The following DNAH9 variants were observed in gnomAD, a reference collection of about 807,000 sequenced individuals.
The protein encoded by DNAH9 is DNAH9 variant protein.
A neutral mutation model predicts 471.6 loss-of-function variants in DNAH9; 345 were observed. The observed-to-expected ratio is 0.73, with a 90% confidence interval of 0.67 to 0.80. DNAH9 has a LOEUF of 0.80. Among genes scored for constraint, DNAH9 ranks in the 30% least tolerant of loss-of-function variants. The pLI is 0.00. For missense variants in DNAH9, 5,407 were observed against 5,609.2 expected (o/e 0.96, Z 1.15); for synonymous variants, 2,093 against 2,123.6 (o/e 0.99, Z 0.40).
intron 49 of DNAH9, among the ~76,000 whole-genome samples, chr17:11,847,638 A>T (rs753541361): frequency 1.3e-5 from 2 of 152,198 alleles, no homozygotes; most frequent in Non-Finnish European, 2.9e-5. Context: ...CACATATGTG[A>T]AAAGAATAAA....
At chr17:11,830,185 C>G (rs1970639254) in intron 48 of DNAH9, among the ~76,000 whole-genome samples, 1 of 152,214 alleles carries the variant, frequency 6.6e-6, no homozygotes, top group African/African-American at 2.4e-5. Context: ...AGTCTCACAG[C>G]TGGTGTCATT....
Position 11,669,543 on chromosome 17 carries a change from C to T in DNAH9, c.3102C>T (p.Ile1034=). 2 of 1,614,162 alleles carry T rather than the reference C, an allele frequency of 1.2e-6. No individual in the cohort carries two copies. Among genetic ancestry groups the T allele is most frequent in the African/African-American group, 1.3e-5 (1 of 75,032 alleles). The part of the protein sequence containing the change: ...VLGQFLLYGH[I]LTPEEIEDHV... The stretch of plus-strand genomic sequence containing the variant: ...GTCAGTTTCTGCTGTACGGGCACAT[C>T]CTCACTCCGGAAGAAATTGAAGACC... Residue 1034 remains isoleucine, a synonymous_variant, in exon 17 of 69, where the codon ATC becomes ATT. Coordinates refer to ENST00000262442, the MANE Select transcript of DNAH9 (RefSeq NM_001372.4).
At chr17:11,707,151 T>C (rs2074716931) in intron 26 of DNAH9, among the ~76,000 whole-genome samples, 1 of 152,172 alleles carries the variant, frequency 6.6e-6, no homozygotes, top group Non-Finnish European at 1.5e-5. Context: ...TTCATACCCT[T>C]TCCTTGTAAT....
At chr17:11,798,215 G>A (rs983389681) in intron 43 of DNAH9, among the ~76,000 whole-genome samples, 1 of 152,002 alleles carries the variant, frequency 6.6e-6, no homozygotes, top group African/African-American at 2.4e-5. Flanking sequence ...GGCAGATCAC[G>A]AGGTCAGGAG....
In DNAH9 at chr17:11,745,061, G is replaced by C. The variant is rs973812218; in HGVS notation, c.6376G>C (p.Ala2126Pro). The change falls in exon 31 of 69, where the codon GCT (alanine) becomes CCT (proline). Residue 2126 changes from alanine (A) to proline (P), a missense_variant. Physicochemically the swap from Ala to Pro is conservative, Grantham distance 27. Around this residue, in one of 3 missense-constraint regions of DNAH9, gnomAD observed 4,636 missense variants for 4,900.3 expected, o/e 0.95. Coordinates refer to ENST00000262442, the MANE Select transcript of DNAH9 (RefSeq NM_001372.4). ...GGCGATAGTGGATCTGAAGCTCCAG[G>C]CTGAGGACAACTTTGTGCTCAAGGT... ...RKAIVDLKLQ[A>P]EDNFVLKVVQ... 1 of 1,613,538 alleles carries C rather than the reference G, an allele frequency of 6.2e-7. No homozygotes were observed. The highest frequency in any genetic ancestry group is 8.5e-7 in the Non-Finnish European group (1 of 1,179,588).
chr17:11,746,345 C>A (rs533197887), intron 31 of DNAH9, among the ~76,000 whole-genome samples: 1 of 152,254 alleles, frequency 6.6e-6, no homozygotes, highest in African/African-American at 2.4e-5. Context: ...GCTGCAGACA[C>A]CCTTTGTCTT....
intron 9 of DNAH9, 30 bp from the exon 10 acceptor site, chr17:11,640,240 C>T (rs1036754875): frequency 1.4e-6 from 2 of 1,404,230 alleles, no homozygotes; most frequent in South Asian, 1.2e-5. Context: ...GCTCTAGACT[C>T]ATTTCGGTCT....
Position 11,901,312 on chromosome 17 carries a change from G to C in DNAH9, c.11407-1407G>C, listed in dbSNP as rs577189521. Among the ~76,000 whole-genome samples the C allele has an allele frequency of 3.9e-5, 6 of 152,316 alleles. No homozygotes were observed. In the East Asian group the frequency reaches 1.2e-3, roughly 29 times the overall value. ...GCTCTTTATTAAAGATGTCAACTCT[G>C]CAAGTATCTCTAAGTCAGGGGTGTT... On this transcript the variant is annotated intron_variant, in intron 59 of 68. Coordinates refer to ENST00000262442, the MANE Select transcript of DNAH9 (RefSeq NM_001372.4).
At chr17:11,874,897 T>G in intron 52 of DNAH9, 52 bp from the exon 53 acceptor site, 35 of 1,357,050 alleles carry the variant, frequency 2.6e-5, no homozygotes, top group Non-Finnish European at 3.5e-5. Context: ...TCATCCCAGC[T>G]GAGAATGTCT....
At chr17:11,599,157 C>T (rs990836688) in intron 1 of DNAH9, among the ~76,000 whole-genome samples, 15 of 151,982 alleles carry the variant, frequency 9.9e-5, no homozygotes, top group Non-Finnish European at 1.9e-4. Flanking sequence ...AGGGAGGGAT[C>T]TGGGTGGAGG....
At chr17:11,785,226 G>A (rs1210271675) in intron 41 of DNAH9, among the ~76,000 whole-genome samples, 1 of 152,038 alleles carries the variant, frequency 6.6e-6, no homozygotes, top group African/African-American at 2.4e-5. Flanking sequence ...ATGTAGCCAA[G>A]TCTACAACTC....
chr17:11,852,578 G>C (rs1409473115), intron 49 of DNAH9, among the ~76,000 whole-genome samples: 1 of 151,858 alleles, frequency 6.6e-6, no homozygotes, highest in Non-Finnish European at 1.5e-5. Flanking sequence ...AGCAGCCCCT[G>C]GTTCTTCAGA....
intron 49 of DNAH9, among the ~76,000 whole-genome samples, chr17:11,836,368 G>A (rs1172836617): frequency 6.6e-6 from 1 of 152,200 alleles, no homozygotes; most frequent in Non-Finnish European, 1.5e-5. Context: ...AATGTGAGAT[G>A]TGAGTGCATT....
intron 6 of DNAH9, among the ~76,000 whole-genome samples, chr17:11,620,952 A>G (rs1219904247): frequency 2.0e-5 from 3 of 152,140 alleles, no homozygotes; most frequent in Admixed American, 2.0e-4. Context: ...ACATGATACT[A>G]TTTCTTTGGA....
At position 11,705,141 on chromosome 17, in the gene DNAH9, C is replaced by A. The variant is rs765859837; in HGVS notation, c.5508C>A (p.Tyr1836Ter). The A allele has an allele frequency of 6.2e-7, 1 of 1,614,116 alleles. No homozygotes were observed. ...CDAQFLYSYE[Y>*]LGNTPRLVIT... ...CCCAGTTTTTGTATTCCTATGAGTA[C>A]CTGGGAAACACACCTCGCTTGGTGA... Residue 1836 changes from tyrosine to a stop codon, truncating the protein, a stop_gained, in exon 26 of 69, where the codon TAC (tyrosine) becomes TAA (stop). Transcript: ENST00000262442. LOFTEE classifies it high-confidence loss of function.
intron 24 of DNAH9, 85 bp from the exon 25 acceptor site, chr17:11,704,117 AC>A: frequency 2.7e-6 from 4 of 1,479,606 alleles, no homozygotes; most frequent in Non-Finnish European, 2.8e-6. Context: ...CCACACAATT[AC>A]ATCCTGAGCC....
Position 11,690,452 on chromosome 17 carries a change from A to T in DNAH9, c.4614+16A>T. The stretch of plus-strand genomic sequence containing the variant: ...GCTACCCCAGGTACCTGCTAAGGAA[A>T]TCTAGAATCTCTCTATTCTCTGATC... On this transcript the variant is annotated intron_variant, in intron 20 of 68. Coordinates refer to ENST00000262442, the MANE Select transcript of DNAH9 (RefSeq NM_001372.4). 1 of 1,606,342 alleles carries T rather than the reference A, an allele frequency of 6.2e-7. No individual in the cohort carries two copies. Among genetic ancestry groups the T allele is most frequent in the Non-Finnish European group, 8.5e-7 (1 of 1,175,092 alleles).
Position 11,793,571 on chromosome 17 carries a change from A to G in DNAH9, c.8130A>G (p.Glu2710=). ...ATCTTATAAGGCTCTATCTGCATGA[A>G]TCAAATCGAGTTTATCGGGATAAGA... ...TWDLIRLYLH[E]SNRVYRDKMV... The change falls in exon 42 of 69, where the codon GAA becomes GAG. Residue 2710 remains glutamate, a synonymous_variant. Transcript: ENST00000262442. 6.2e-7 allele frequency: 1 copy of G among 1,614,082 alleles called. No homozygotes were observed. The highest frequency in any genetic ancestry group is 8.5e-7 in the Non-Finnish European group (1 of 1,179,938).
chr17:11,900,989 C>T (rs185630034), intron 59 of DNAH9, among the ~76,000 whole-genome samples: 1 of 152,322 alleles, frequency 6.6e-6, no homozygotes, highest in Admixed American at 6.5e-5. Flanking sequence ...GATGATGCTA[C>T]ATACATACTA....
Sources: allele counts gnomAD v4.1 joint callset (sites outside exome capture counted in the v4.1 genomes callset), GRCh38; gene constraint gnomAD v4.1.1; regional missense constraint gnomAD v4.1.1; transcripts MANE v1.5; gene names NCBI Gene and HGNC (gene_info 2026-07-23, HGNC 2026-07-21).